Variants in SIPA1L3 observed in about 807,000 individuals in gnomAD.
The protein encoded by SIPA1L3 is signal-induced proliferation-associated 1-like protein 3.
Under a neutral mutation model 150.1 loss-of-function variants are expected in SIPA1L3, and 59 were observed. The observed-to-expected ratio is 0.39, with a 90% CI of 0.32 to 0.49. The LOEUF is 0.49. SIPA1L3 is among the 20% of genes least tolerant of loss of function. The pLI is 0.86. For synonymous variants in SIPA1L3, 1,070 were observed against 1,077.6 expected (o/e 0.99, Z 0.14); for missense variants, 2,211 against 2,489.5 (o/e 0.89, Z 2.38).
At chr19:37,932,962 G>A (rs1254584421) in intron 1 of SIPA1L3, among the ~76,000 whole-genome samples, 1 of 152,114 alleles carries the variant, frequency 6.6e-6, no homozygotes, top group Non-Finnish European at 1.5e-5. Context: ...TTCTGTGCCG[G>A]GGCTGGGGGC....
intron 9 of SIPA1L3, 27 bp downstream of exon 9, chr19:38,119,909 C>A: frequency 6.5e-7 from 1 of 1,534,966 alleles, no homozygotes. Flanking sequence ...GGCGATAGGG[C>A]GGCGATTTGT....
At chr19:38,196,307 G>A (rs1016384741) in intron 18 of SIPA1L3, among the ~76,000 whole-genome samples, 3 of 152,264 alleles carry the variant, frequency 2.0e-5, no homozygotes, top group Admixed American at 6.5e-5. Context: ...GAACAAGGAG[G>A]CCAGGGGAAG....
At chr19:37,995,106 T>G (rs1967604328) in intron 1 of SIPA1L3, among the ~76,000 whole-genome samples, 2 of 152,214 alleles carry the variant, frequency 1.3e-5, no homozygotes, top group African/African-American at 2.4e-5. Flanking sequence ...GCCTTTCCGT[T>G]TGAAAGAGAA....
intron 18 of SIPA1L3, 148 bp from the exon 19 acceptor site, chr19:38,198,241 G>A: frequency 1.1e-6 from 1 of 923,072 alleles, no homozygotes; most frequent in Non-Finnish European, 1.5e-6. Flanking sequence ...TCAGGCCTCT[G>A]TAGGCTCCAG....
chr19:38,062,956 C>T (rs780619431), intron 2 of SIPA1L3, among the ~76,000 whole-genome samples: 2 of 152,152 alleles, frequency 1.3e-5, no homozygotes, highest in African/African-American at 2.4e-5. Flanking sequence ...TGAGTTGTCA[C>T]GAGGGCAGAC....
chr19:37,918,653 T>C (rs2046432459), intron 1 of SIPA1L3, among the ~76,000 whole-genome samples: 1 of 151,756 alleles, frequency 6.6e-6, no homozygotes, highest in Non-Finnish European at 1.5e-5. Flanking sequence ...GCGGATCACC[T>C]GAGGTCAGGA....
Position 38,206,332 on chromosome 19 carries a change from A to G in SIPA1L3, c.*92A>G. On this transcript the variant is annotated 3_prime_UTR_variant, in exon 22 of 22. Coordinates refer to ENST00000222345, the MANE Select transcript of SIPA1L3 (RefSeq NM_015073.3). The stretch of plus-strand genomic sequence containing the variant: ...CACTCAGCTCCCAGCTGCCGGTGTG[A>G]CCAAGATGACCCATCCAGGGCCCTC... The G allele has an allele frequency of 7.1e-7, 1 of 1,414,558 alleles. No individual in the cohort carries two copies. The highest frequency in any genetic ancestry group is 9.5e-7 in the Non-Finnish European group (1 of 1,056,806). The allele number at this position is 1,414,558 out of a possible 1,614,324, so 87.6% of individuals were successfully genotyped here.
intron 18 of SIPA1L3, among the ~76,000 whole-genome samples, chr19:38,198,053 G>A (rs538955590): frequency 2.6e-5 from 4 of 152,150 alleles, no homozygotes; most frequent in African/African-American, 9.7e-5. Context: ...CATAGGGGCC[G>A]CCTCTGTGTT....
chr19:37,951,893 C>CAAA (rs5827992), intron 1 of SIPA1L3, among the ~76,000 whole-genome samples: 10 of 83,886 alleles, frequency 1.2e-4, no homozygotes, highest in Non-Finnish European at 1.7e-4. Flanking sequence ...AAGACTGTCT[C>CAAA]AAAAAAAAAA....
chr19:38,002,445 C>T (rs75919451), intron 1 of SIPA1L3, among the ~76,000 whole-genome samples: 4,290 of 152,090 alleles, frequency 0.028, 76 homozygotes, highest in Non-Finnish European at 0.046. Context: ...GTATATATCA[C>T]ATTTTGTGGC....
chr19:38,161,920 T>C (rs957350048), intron 13 of SIPA1L3, among the ~76,000 whole-genome samples: 2 of 150,848 alleles, frequency 1.3e-5, no homozygotes, highest in African/African-American at 4.9e-5. Context: ...TGCACACCTG[T>C]AGTCCTAGCT....
At chr19:38,126,128 T>C (rs1030841986) in intron 9 of SIPA1L3, among the ~76,000 whole-genome samples, 1 of 151,928 alleles carries the variant, frequency 6.6e-6, no homozygotes, top group African/African-American at 2.4e-5. Context: ...GAGCCGAGAT[T>C]GCACCACTGC....
rs142945711 is a variant in SIPA1L3, at chr19:37,982,435, T to A, written c.-378-46654T>A. The stretch of plus-strand genomic sequence containing the variant: ...CCAAGGTACTGGAGATAATCATAGG[T>A]AATGTTCTTCCAGCGTTCACCATGT... On this transcript the variant is annotated intron_variant, in intron 1 of 21. Transcript: ENST00000222345. Among the ~76,000 whole-genome samples the A allele has an allele frequency of 4.6e-5, 7 of 152,314 alleles. No homozygotes were observed. In the East Asian group the frequency reaches 1.4e-3, roughly 29 times the overall value.
At chr19:37,993,138 G>C (rs1967554453) in intron 1 of SIPA1L3, among the ~76,000 whole-genome samples, 1 of 152,164 alleles carries the variant, frequency 6.6e-6, no homozygotes, top group Non-Finnish European at 1.5e-5. Flanking sequence ...CCCTGGCTGT[G>C]TCAGGTCTGA....
chr19:37,915,257 A>G (rs1039373958), intron 1 of SIPA1L3, among the ~76,000 whole-genome samples: 16 of 152,184 alleles, frequency 1.1e-4, no homozygotes, highest in Non-Finnish European at 1.9e-4. Flanking sequence ...CTTGGTTGCC[A>G]TACCAGGCAC....
chr19:38,103,414 G>T (rs1970551462), intron 6 of SIPA1L3, among the ~76,000 whole-genome samples: 1 of 151,928 alleles, frequency 6.6e-6, no homozygotes, highest in South Asian at 2.1e-4. Flanking sequence ...ATCACCTGAG[G>T]GCAGGAGTTC....
chr19:37,908,910 C>G (rs1002025416), intron 1 of SIPA1L3, among the ~76,000 whole-genome samples: 3 of 152,172 alleles, frequency 2.0e-5, no homozygotes, highest in Non-Finnish European at 4.4e-5. Flanking sequence ...GAGTCCCCTG[C>G]ACTCCAGCTC....
intron 2 of SIPA1L3, among the ~76,000 whole-genome samples, chr19:38,066,366 C>A (rs1171590074): frequency 2.0e-5 from 3 of 152,072 alleles, no homozygotes; most frequent in Non-Finnish European, 2.9e-5. Context: ...AATAGAGGCA[C>A]CCGGATTCAC....
At chr19:38,102,724 T>C (rs533077739) in intron 6 of SIPA1L3, among the ~76,000 whole-genome samples, 1 of 152,240 alleles carries the variant, frequency 6.6e-6, no homozygotes, top group Non-Finnish European at 1.5e-5. Context: ...CCCAGCACTT[T>C]GGGAGGCTGA....
Sources: gnomAD v4.1 joint callset for allele counts (sites outside exome capture counted in the v4.1 genomes callset) on GRCh38, gnomAD v4.1.1 for gene constraint, MANE v1.5 for transcripts, NCBI Gene and HGNC (gene_info 2026-07-23, HGNC 2026-07-21) for gene names.